Variants in PKN2 observed in about 807,000 individuals in gnomAD.
PKN2 encodes the protein protein kinase N2.
A neutral mutation model predicts 119.1 loss-of-function variants in PKN2; 38 were observed. The ratio of observed to expected loss-of-function variants is 0.32; its 90% CI spans 0.25 to 0.42. The LOEUF (loss-of-function observed/expected upper bound fraction) is 0.42, where lower values mean the gene tolerates loss of function less well. PKN2 is among the 10% of genes least tolerant of loss of function. PKN2 has a pLI of 1.00. For synonymous variants in PKN2, 390 were observed against 384.9 expected, an observed-to-expected ratio of 1.01 and a Z score of -0.15; for missense variants, 850 against 1,165.1, an observed-to-expected ratio of 0.73 and a Z score of 3.94.
chr1:88,770,483 T>G lies in PKN2; in HGVS notation c.622+14T>G, dbSNP rs758255059. 7.5e-7 allele frequency: 1 copy of G among 1,330,068 alleles called. No individual in the cohort carries two copies. The highest frequency in any genetic ancestry group is 1.2e-5 in the South Asian group (1 of 85,306). 82.4% of individuals were successfully genotyped at this position (1,330,068 alleles called of 1,614,324 possible). A position where few individuals can be genotyped will look rare whatever the true frequency, so the allele number is the denominator to read the frequency against. On this transcript the variant is annotated intron_variant, in intron 4 of 21. Transcript: ENST00000370521. ...CTTTTGATAATGGTGATGGAATAAATTGTCCTCCTTCTTATGAGCATAATG... is the reference window on the plus strand; with the variant it reads ...CTTTTGATAATGGTGATGGAATAAAGTGTCCTCCTTCTTATGAGCATAATG...
intron 1 of PKN2, among the ~76,000 whole-genome samples, chr1:88,734,310 A>G (rs1298520757): frequency 1.3e-5 from 2 of 152,118 alleles, no homozygotes; most frequent in East Asian, 1.9e-4. Flanking sequence ...TATTTCCTCC[A>G]TATTTTCTTC....
rs767148393 is a variant in PKN2 at position 88,771,760 on chromosome 1, G to A, written c.866G>A (p.Ser289Asn). The A allele has an allele frequency of 2.5e-6, 4 of 1,613,528 alleles. No individual in the cohort carries two copies. The African/African-American group carries it at 5.3e-5, about 22-fold the overall frequency. The stretch of plus-strand genomic sequence containing the variant: ...GAAGTCCCCAAGAATCATCCCAAAA[G>A]CAGGATTATTATTGAAGAACTTTCA... ...LNEVPKNHPK[S>N]RIIIEELSLV... Residue 289 changes from serine to asparagine, a missense_variant, in exon 6 of 22, where the codon AGC becomes AAC. This residue lies in a region of PKN2 where 350 missense variants were observed against 511.1 expected (regional missense o/e 0.68). Transcript: ENST00000370521.
chr1:88,744,183 C>G (rs940387370), intron 2 of PKN2, among the ~76,000 whole-genome samples: 2 of 152,118 alleles, frequency 1.3e-5, no homozygotes, highest in Non-Finnish European at 2.9e-5. Flanking sequence ...ACCTTGCACA[C>G]TAAGGTAATC....
At chr1:88,759,427 C>G (rs528913379) in intron 2 of PKN2, among the ~76,000 whole-genome samples, 1 of 152,160 alleles carries the variant, frequency 6.6e-6, no homozygotes, top group Non-Finnish European at 1.5e-5. Context: ...TTGCATTTCT[C>G]TAATGACCAG....
intron 16 of PKN2, among the ~76,000 whole-genome samples, chr1:88,817,876 A>C (rs1002386409): frequency 1.3e-5 from 2 of 152,208 alleles, no homozygotes; most frequent in African/African-American, 4.8e-5. Flanking sequence ...TGGCCAGGGC[A>C]ATCAGGCAAG....
At chr1:88,700,182 T>C (rs1165156122) in intron 1 of PKN2, among the ~76,000 whole-genome samples, 1 of 152,122 alleles carries the variant, frequency 6.6e-6, no homozygotes, top group East Asian at 1.9e-4. Context: ...TCCATGTCTT[T>C]GCTATTGTGA....
chr1:88,708,739 G>A (rs963414561), intron 1 of PKN2, among the ~76,000 whole-genome samples: 1 of 151,610 alleles, frequency 6.6e-6, no homozygotes, highest in Non-Finnish European at 1.5e-5. Flanking sequence ...TGGCATTGCA[G>A]GCGTGAGCCA....
At position 88,834,683 on chromosome 1, in the gene PKN2, A is replaced by G. The variant is rs370300351; in HGVS notation, c.*1235A>G. ...ATTATAACACTAAAGCTGTACCTCA[A>G]AAGTCTCAAAAATAATTTGATGAAA... On this transcript the variant is annotated 3_prime_UTR_variant, in exon 22 of 22. Transcript: ENST00000370521. 1 of 152,378 alleles carries G rather than the reference A, an allele frequency of 6.6e-6. No homozygotes were observed. Among genetic ancestry groups the G allele is most frequent in the Admixed American group, 6.6e-5 (1 of 15,244 alleles). 9.4% of individuals were successfully genotyped at this position (152,378 alleles called of 1,614,324 possible).
At chr1:88,824,289 G>C (rs375166583) in intron 17 of PKN2, 21 bp from the exon 18 acceptor site, 12 of 1,267,542 alleles carry the variant, frequency 9.5e-6, no homozygotes, top group Middle Eastern at 1.9e-4. Context: ...TTTTCATGCT[G>C]TATCTTTTTA....
chr1:88,816,151 G>A (rs1053334152), intron 16 of PKN2, among the ~76,000 whole-genome samples: 1 of 139,882 alleles, frequency 7.1e-6, no homozygotes, highest in East Asian at 2.1e-4. Context: ...TTAAAAAAAA[G>A]AGAGAAATCA....
intron 16 of PKN2, among the ~76,000 whole-genome samples, chr1:88,814,834 C>T (rs1671921774): frequency 6.6e-6 from 1 of 152,176 alleles, no homozygotes; most frequent in South Asian, 2.1e-4. Flanking sequence ...TGTATTTACT[C>T]TTTAGTTTTC....
intron 1 of PKN2, among the ~76,000 whole-genome samples, chr1:88,709,646 A>G (rs1667143789): frequency 6.6e-6 from 1 of 152,236 alleles, no homozygotes; most frequent in Non-Finnish European, 1.5e-5. Context: ...GTCACTGAGT[A>G]AAAATATACA....
chr1:88,721,026 G>A (rs1220203545), intron 1 of PKN2, among the ~76,000 whole-genome samples: 1 of 152,064 alleles, frequency 6.6e-6, no homozygotes, highest in East Asian at 1.9e-4. Flanking sequence ...CTTGTTAATT[G>A]ATGGGCATTT....
At chr1:88,812,526 G>C (rs1006895850) in intron 15 of PKN2, among the ~76,000 whole-genome samples, 1 of 152,120 alleles carries the variant, frequency 6.6e-6, no homozygotes, top group African/African-American at 2.4e-5. Context: ...GATTGCTTGA[G>C]ACCAGAAGTT....
intron 8 of PKN2, among the ~76,000 whole-genome samples, chr1:88,797,590 G>A (rs888110408): frequency 6.6e-5 from 10 of 151,294 alleles, no homozygotes; most frequent in East Asian, 1.9e-4. Context: ...TGCAGTGAGC[G>A]GAGATTGCGC....
At chr1:88,694,175 A>C (rs1666437987) in intron 1 of PKN2, among the ~76,000 whole-genome samples, 1 of 152,172 alleles carries the variant, frequency 6.6e-6, no homozygotes, top group South Asian at 2.1e-4. Flanking sequence ...GGTGTTGTGC[A>C]TTCTATGGGT....
chr1:88,701,116 A>G (rs918136955), intron 1 of PKN2, among the ~76,000 whole-genome samples: 1 of 152,202 alleles, frequency 6.6e-6, no homozygotes, highest in Admixed American at 6.5e-5. Flanking sequence ...ACAAATGATA[A>G]TGAATACATA....
At chr1:88,749,973 A>T (rs930205521) in intron 2 of PKN2, among the ~76,000 whole-genome samples, 3 of 152,194 alleles carry the variant, frequency 2.0e-5, no homozygotes, top group South Asian at 4.1e-4. Context: ...TAAAATAAAG[A>T]CCAAAGGTTA....
intron 1 of PKN2, among the ~76,000 whole-genome samples, chr1:88,724,244 A>G (rs1667806988): frequency 6.6e-6 from 1 of 152,218 alleles, no homozygotes; most frequent in Non-Finnish European, 1.5e-5. Flanking sequence ...AGTCTAATGT[A>G]TTACACATTG....
Sources: gnomAD v4.1 joint callset for allele counts (sites outside exome capture counted in the v4.1 genomes callset) on GRCh38, gnomAD v4.1.1 for gene constraint, gnomAD v4.1.1 regional missense constraint, MANE v1.5 for transcripts, NCBI Gene and HGNC (gene_info 2026-07-23, HGNC 2026-07-21) for gene names.